The following ACO2 variants were observed in gnomAD, a reference collection of about 807,000 sequenced individuals.
ACO2 encodes the protein aconitase 2.
In ACO2, 31 loss-of-function variants were observed where a neutral mutation model predicts 84.5. The ratio of observed to expected loss-of-function variants is 0.37; its 90% CI spans 0.28 to 0.50. The LOEUF (loss-of-function observed/expected upper bound fraction) is 0.50, where lower values mean the gene tolerates loss of function less well. Among genes scored for constraint, ACO2 ranks in the 20% least tolerant of loss-of-function variants. ACO2 has a pLI of 0.97. For synonymous variants in ACO2, 414 were observed against 412.7 expected, an observed-to-expected ratio of 1.00 and a Z score of -0.04; for missense variants, 685 against 1,029.3, an observed-to-expected ratio of 0.67 and a Z score of 4.58.
In ACO2 at chr22:41,522,967, AC is replaced by A; in HGVS notation, c.1278del (p.Ile427LeufsTer10). On this transcript the variant is annotated frameshift_variant, in exon 10 of 18. Coordinates refer to ENST00000216254, the MANE Select transcript of ACO2 (RefSeq NM_001098.3). LOFTEE classifies it high-confidence loss of function. ...TCCAGGTTCCGAGCAGATCCGCGCCACCATTGAGCGGGACGGCTATGTGAGT... is the reference window on the plus strand; with the variant it reads ...TCCAGGTTCCGAGCAGATCCGCGCCACATTGAGCGGGACGGCTATGTGAGT... ...ITPGSEQIRA[T>X]IERDGYAQIL... 6.2e-7 allele frequency: 1 copy of A among 1,614,174 alleles called. No individual in the cohort carries two copies.
In ACO2 at chr22:41,526,448, T is replaced by A; in HGVS notation, c.1948T>A (p.Tyr650Asn). 1 of 1,611,482 alleles carries A rather than the reference T, an allele frequency of 6.2e-7. No homozygotes were observed. The highest frequency in any genetic ancestry group is 8.5e-7 in the Non-Finnish European group (1 of 1,178,344). ...FGPVPDTARY[Y>N]KKHGIRWVVI... ...CCCCGTCCCTGACACTGCCCGCTAC[T>A]ACAAGGTGGGTCAGAGTTGATAGGG... Residue 650 changes from tyrosine (Y) to asparagine (N), a missense_variant, in exon 15 of 18, where the codon TAC becomes AAC. By Grantham distance (143) the Tyr-to-Asn change is moderately radical. Transcript: ENST00000216254.
chr22:41,470,560 T>C, intron 1 of ACO2, among the ~76,000 whole-genome samples: 1 of 77,792 alleles, frequency 1.3e-5, no homozygotes, highest in Non-Finnish European at 2.7e-5. Flanking sequence ...TTTTTTTTTT[T>C]TTGAGACAGT....
chr22:41,526,215 C>G, intron 14 of ACO2, 47 bp from the exon 15 acceptor site: 1 of 1,566,780 alleles, frequency 6.4e-7, no homozygotes, highest in Non-Finnish European at 8.7e-7. Flanking sequence ...TCATCCACCC[C>G]TCCAGGGCCA....
chr22:41,525,391 G>T, intron 14 of ACO2, 43 bp downstream of exon 14: 1 of 1,606,628 alleles, frequency 6.2e-7, no homozygotes, highest in Non-Finnish European at 8.5e-7. Flanking sequence ...CCCTGCCAGG[G>T]CCCCCCGTCC....
At chr22:41,490,403 A>G (rs1481458836) in intron 1 of ACO2, among the ~76,000 whole-genome samples, 1 of 152,182 alleles carries the variant, frequency 6.6e-6, no homozygotes, top group Admixed American at 6.5e-5. Flanking sequence ...ATTAGTACTA[A>G]TTATGTTCAT....
chr22:41,517,341 C>T, intron 6 of ACO2, 186 bp from the exon 7 acceptor site: 1 of 583,560 alleles, frequency 1.7e-6, no homozygotes, highest in South Asian at 1.8e-5. Context: ...CCCATGGCCT[C>T]CCCTCACCGG....
chr22:41,502,590 A>G (rs892813149), intron 2 of ACO2, among the ~76,000 whole-genome samples: 2 of 152,048 alleles, frequency 1.3e-5, no homozygotes, highest in African/African-American at 4.8e-5. Flanking sequence ...GCTGTCATAG[A>G]GATTTGTTTT....
At chr22:41,527,101 G>T in intron 15 of ACO2, 187 bp from the exon 16 acceptor site, 1 of 816,640 alleles carries the variant, frequency 1.2e-6, no homozygotes, top group Non-Finnish European at 1.9e-6. Flanking sequence ...TCGGGGCCTC[G>T]TTTGGGTCTC....
intron 4 of ACO2, among the ~76,000 whole-genome samples, chr22:41,514,735 C>A (rs571722700): frequency 6.6e-6 from 1 of 152,174 alleles, no homozygotes. Flanking sequence ...CTGGGAGGAG[C>A]GCCTCAGTGA....
intron 1 of ACO2, among the ~76,000 whole-genome samples, chr22:41,470,795 G>A (rs1334293448): frequency 1.3e-5 from 2 of 152,002 alleles, no homozygotes; most frequent in Non-Finnish European, 2.9e-5. Context: ...GGCCTGCCTT[G>A]GCCTCCCAAA....
At chr22:41,483,806 G>A (rs535739679) in intron 1 of ACO2, among the ~76,000 whole-genome samples, 2 of 152,056 alleles carry the variant, frequency 1.3e-5, no homozygotes, top group Admixed American at 6.6e-5. Context: ...TTGAGGATGT[G>A]TTCTCTCAAA....
intron 1 of ACO2, among the ~76,000 whole-genome samples, chr22:41,480,212 C>T (rs1399157203): frequency 6.6e-6 from 1 of 152,210 alleles, no homozygotes; most frequent in Non-Finnish European, 1.5e-5. Flanking sequence ...CTGTGTTGCC[C>T]ACTTAGACAG....
chr22:41,523,866 C>A lies in ACO2; in HGVS notation c.1407C>A (p.Val469=), dbSNP rs770099780. 2.1e-5 allele frequency: 34 copies of A among 1,612,186 alleles called. No homozygotes were observed. In the South Asian group the frequency reaches 3.6e-4, roughly 17 times the overall value. The change falls in exon 12 of 18, where the codon GTC becomes GTA. Residue 469 remains valine, a synonymous_variant. Coordinates refer to ENST00000216254, the MANE Select transcript of ACO2 (RefSeq NM_001098.3). ...AGAAGGGGGAGAAGAACACAATCGT[C>A]ACCTCCTACAACAGGAACTTCACGG... ...DIKKGEKNTI[V]TSYNRNFTGR... is the part of the protein sequence containing the mutation.
chr22:41,485,150 C>T (rs1428462555), intron 1 of ACO2, among the ~76,000 whole-genome samples: 4 of 151,790 alleles, frequency 2.6e-5, no homozygotes, highest in Admixed American at 6.6e-5. Flanking sequence ...GTGCTGGGAT[C>T]CGTGAGCCAC....
intron 1 of ACO2, among the ~76,000 whole-genome samples, chr22:41,485,746 C>T (rs2038147056): frequency 6.6e-6 from 1 of 151,822 alleles, no homozygotes; most frequent in Admixed American, 6.6e-5. Context: ...CTCGGCCCGC[C>T]CGGCTAATTT....
Position 41,527,371 on chromosome 22 carries a change from C to T in ACO2, c.2037C>T (p.Arg679=). Residue 679 remains arginine, a synonymous_variant, in exon 16 of 18, where the codon CGC becomes CGT. Coordinates refer to ENST00000216254, the MANE Select transcript of ACO2 (RefSeq NM_001098.3). ...GGGAGCATGCAGCTCTGGAGCCTCG[C>T]CACCTTGGGGGCCGGGCCATCATCA... ...SSREHAALEP[R]HLGGRAIITK... is the part of the protein sequence containing the mutation. The T allele has an allele frequency of 6.2e-7, 1 of 1,613,938 alleles. No homozygotes were observed. Among genetic ancestry groups the T allele is most frequent in the Non-Finnish European group, 8.5e-7 (1 of 1,179,992 alleles).
chr22:41,493,693 G>A (rs2066291057), intron 1 of ACO2, among the ~76,000 whole-genome samples: 1 of 152,238 alleles, frequency 6.6e-6, no homozygotes, highest in Middle Eastern at 3.4e-3. Context: ...TGTAATCCTA[G>A]CACTTTGGGA....
rs1474590677 is a variant in ACO2 at position 41,515,547 on chromosome 22, G to C, written c.684+12G>C. The C allele has an allele frequency of 6.2e-7, 1 of 1,603,698 alleles. No homozygotes were observed. The highest frequency in any genetic ancestry group is 2.2e-5 in the East Asian group (1 of 44,806). ...TGAAGTGCCCCAAGGTGAGGGTGGG[G>C]AGGGACTCATTCTGGGCTGGCTGTG... is the stretch of plus-strand genomic sequence containing the variant. On this transcript the variant is annotated intron_variant, in intron 5 of 17. Coordinates refer to ENST00000216254, the MANE Select transcript of ACO2 (RefSeq NM_001098.3). The surrounding 1 kb of genome is among the most constrained non-coding windows in gnomAD (Gnocchi z 5.8).
chr22:41,492,790 G>A (rs1184185147), intron 1 of ACO2, among the ~76,000 whole-genome samples: 1 of 151,654 alleles, frequency 6.6e-6, no homozygotes, highest in East Asian at 1.9e-4. Context: ...AATAAAAAAA[G>A]AAAATTAGCC....
Sources: allele counts gnomAD v4.1 joint callset (sites outside exome capture counted in the v4.1 genomes callset), GRCh38; gene constraint gnomAD v4.1.1; non-coding constraint Gnocchi (gnomAD v3.1); transcripts MANE v1.5; gene names NCBI Gene and HGNC (gene_info 2026-07-23, HGNC 2026-07-21).